Variants in DNAH17 observed in about 807,000 individuals in gnomAD.
DNAH17 encodes the protein axonemal beta dynein heavy chain 17.
A neutral mutation model predicts 485.6 loss-of-function variants in DNAH17; 376 were observed. The observed-to-expected ratio is 0.77, with a 90% CI of 0.71 to 0.84. The LOEUF is 0.84. Ranked by LOEUF, DNAH17 falls within the 40% of genes least tolerant of loss-of-function variation. The pLI is 0.00. For synonymous variants in DNAH17, 3,031 were observed against 2,405.9 expected (o/e 1.26, Z -7.60); for missense variants, 6,370 against 5,839.3 (o/e 1.09, Z -2.96).
chr17:78,466,294 C>T (rs1023682225), intron 56 of DNAH17, among the ~76,000 whole-genome samples: 1 of 152,094 alleles, frequency 6.6e-6, no homozygotes, highest in African/African-American at 2.4e-5. Flanking sequence ...CAAACACTGC[C>T]GAAGGCCGGA....
rs758147457 is a variant in DNAH17, at chr17:78,495,922, C to T, written c.5856G>A (p.Gly1952=). 6.2e-7 allele frequency: 1 copy of T among 1,613,942 alleles called. No individual in the cohort carries two copies. Among genetic ancestry groups the T allele is most frequent in the Non-Finnish European group, 8.5e-7 (1 of 1,179,850 alleles). The part of the protein sequence containing the change: ...TVGIFITMNP[G]YAGRAELPEN... ...CAGGCAGCTCCGCGCGTCCGGCGTA[C>T]CCAGGGTTCATGGTGATGAAGATAC... is the stretch of plus-strand genomic sequence containing the variant. The change falls in exon 38 of 81, where the codon GGG becomes GGA. Residue 1952 remains glycine, a synonymous_variant. Transcript: ENST00000389840.
At chr17:78,435,473 G>A (rs929066878) in intron 74 of DNAH17, among the ~76,000 whole-genome samples, 1 of 152,028 alleles carries the variant, frequency 6.6e-6, no homozygotes, top group African/African-American at 2.4e-5. Flanking sequence ...TCACTCCCTG[G>A]CTACCCACCT....
chr17:78,468,850 C>G lies in DNAH17; in HGVS notation c.8545G>C (p.Val2849Leu). ...DLAAQYIKAA[V>L]KNVPSVFLMT... ...AGGAACACCGAGGGAACGTTCTTCA[C>G]GGCAGCCTTTATGTACTGAGCAGCG... The change falls in exon 55 of 81, where the codon GTG becomes CTG. Residue 2849 changes from valine (V) to leucine (L), a missense_variant. Transcript: ENST00000389840. The G allele has an allele frequency of 6.2e-7, 1 of 1,613,930 alleles. No homozygotes were observed. The highest frequency in any genetic ancestry group is 8.5e-7 in the Non-Finnish European group (1 of 1,179,902).
At chr17:78,503,170 T>C (rs2090360278) in intron 31 of DNAH17, 159 bp from the exon 32 acceptor site, 8 of 3,356 alleles carry the variant, frequency 2.4e-3, no homozygotes, top group South Asian at 0.036. Context: ...GTGACACACC[T>C]TTTTTTTTTT....
chr17:78,516,395 A>C (rs62075874), intron 25 of DNAH17, among the ~76,000 whole-genome samples: 18,026 of 152,262 alleles, frequency 0.12, 1,351 homozygotes, highest in Middle Eastern at 0.19. Flanking sequence ...CTCATGTAAA[A>C]GAAACTTGAG....
chr17:78,520,603 G>A (rs1024602088), intron 25 of DNAH17, among the ~76,000 whole-genome samples: 1 of 152,106 alleles, frequency 6.6e-6, no homozygotes, highest in Non-Finnish European at 1.5e-5. Context: ...AATTTAAGAT[G>A]CAACGCCACT....
chr17:78,572,447 C>A (rs370613538), intron 3 of DNAH17, among the ~76,000 whole-genome samples: 1 of 152,094 alleles, frequency 6.6e-6, no homozygotes, highest in Non-Finnish European at 1.5e-5. Flanking sequence ...TGTGACCCAG[C>A]GGGGGGTGTG....
intron 76 of DNAH17, among the ~76,000 whole-genome samples, 163 bp downstream of exon 76, chr17:78,428,958 T>C (rs2086580162): frequency 1.3e-5 from 2 of 150,608 alleles, no homozygotes; most frequent in Non-Finnish European, 3.0e-5. Flanking sequence ...GTTGTTTGTA[T>C]TAGCCTTGTG....
At chr17:78,446,655 T>C (rs978365423) in intron 69 of DNAH17, among the ~76,000 whole-genome samples, 6 of 152,178 alleles carry the variant, frequency 3.9e-5, no homozygotes, top group Admixed American at 2.0e-4. Context: ...TTATTATTTA[T>C]TTTTTTGAGA....
In DNAH17 at chr17:78,427,281, G is replaced by A. The variant is rs143784091; in HGVS notation, c.12589-173C>T. On this transcript the variant is annotated intron_variant, in intron 77 of 80. Coordinates refer to ENST00000389840, the MANE Select transcript of DNAH17 (RefSeq NM_173628.4). ...TGGGTGCAGCCACACATTTGATGAG[G>A]AGAGGGAGCCTTGGCCAGCGGCTCC... 7.4e-4 allele frequency: 484 copies of A among 652,342 alleles called. 2 individuals carry two copies. The highest frequency in any genetic ancestry group is 5.9e-3 in the African/African-American group (326 of 55,156). 40.4% of individuals were successfully genotyped at this position (652,342 alleles called of 1,614,324 possible). A position where few individuals can be genotyped will look rare whatever the true frequency, so the allele number is the denominator to read the frequency against.
intron 75 of DNAH17, among the ~76,000 whole-genome samples, chr17:78,431,698 AGT>A (rs2086681727): frequency 6.6e-6 from 1 of 151,562 alleles, no homozygotes; most frequent in South Asian, 2.1e-4. Flanking sequence ...GCCGGTGGGG[AGT>A]CTGTGGAGGG....
chr17:78,433,923 A>AGGAAGGAGGGAGGGAAGGAG (rs2086768795), intron 75 of DNAH17, 106 bp downstream of exon 75: 1 of 528,818 alleles, frequency 1.9e-6, no homozygotes, highest in Non-Finnish European at 2.9e-6. Flanking sequence ...AAGGGAGGGA[A>AGGAAGGAGGGAGGGAAGGAG]GGAAGGAGGG....
intron 31 of DNAH17, 158 bp from the exon 32 acceptor site, chr17:78,503,169 CTTTTTTTTTTTTT>C (rs397856727): frequency 2.3e-4 from 29 of 127,624 alleles, no homozygotes; most frequent in South Asian, 1.6e-3. Context: ...AGTGACACAC[CTTTTTTTTTTTTT>C]TTTTTTTTTT....
At position 78,569,575 on chromosome 17, in the gene DNAH17, G is replaced by T; in HGVS notation, c.1045-48C>A. On this transcript the variant is annotated intron_variant, in intron 7 of 80. Coordinates refer to ENST00000389840, the MANE Select transcript of DNAH17 (RefSeq NM_173628.4). Reference sequence around the variant, plus strand: ...ATCTAAAGCTCCGACAAGCCATTTGGGGTGACGTCCAGGCACGCCGCCTGC... The same window carrying T: ...ATCTAAAGCTCCGACAAGCCATTTGTGGTGACGTCCAGGCACGCCGCCTGC... The T allele has an allele frequency of 4.5e-6, 7 of 1,570,774 alleles. No individual in the cohort carries two copies. The South Asian group carries it at 7.0e-5, about 16-fold the overall frequency.
At chr17:78,576,998 A>G (rs1044646998) in intron 1 of DNAH17, among the ~76,000 whole-genome samples, 15 of 151,974 alleles carry the variant, frequency 9.9e-5, no homozygotes, top group Non-Finnish European at 2.2e-4. Flanking sequence ...GGCCTTCAGG[A>G]CTCCACAGGA....
At position 78,501,851 on chromosome 17, in the gene DNAH17, A is replaced by T. The variant is rs1413589637; in HGVS notation, c.5213T>A (p.Ile1738Asn). ...GTTGAGGTTCCCCATGAGCAGCGTG[A>T]TGAGTACGTTCAGCTGGCTAATCTG... ...KKQISQLNVL[I>N]TLLMGNLNAG... Residue 1738 changes from isoleucine to asparagine, a missense_variant, in exon 34 of 81, where the codon ATC becomes AAC. Coordinates refer to ENST00000389840, the MANE Select transcript of DNAH17 (RefSeq NM_173628.4). 1 of 1,614,028 alleles carries T rather than the reference A, an allele frequency of 6.2e-7. No homozygotes were observed. The highest frequency in any genetic ancestry group is 8.5e-7 in the Non-Finnish European group (1 of 1,179,896).
intron 2 of DNAH17, 26 bp from the exon 3 acceptor site, chr17:78,572,920 C>G (rs372447898): frequency 2.5e-6 from 4 of 1,601,934 alleles, no homozygotes; most frequent in Non-Finnish European, 3.4e-6. Flanking sequence ...TCTGTGGTTC[C>G]GCCCCCTGTG....
chr17:78,498,535 C>T (rs940275354), intron 37 of DNAH17, among the ~76,000 whole-genome samples: 3 of 152,198 alleles, frequency 2.0e-5, no homozygotes, highest in Admixed American at 6.5e-5. Context: ...CTCCCCAATC[C>T]GAAGTCCCTG....
chr17:78,544,807 A>AG, intron 16 of DNAH17, among the ~76,000 whole-genome samples: 1 of 133,590 alleles, frequency 7.5e-6, no homozygotes, highest in South Asian at 3.2e-4. Context: ...TCTCAAAAAA[A>AG]AAAAAAAAAA....
Sources: allele counts gnomAD v4.1 joint callset (sites outside exome capture counted in the v4.1 genomes callset), GRCh38; gene constraint gnomAD v4.1.1; transcripts MANE v1.5; gene names NCBI Gene and HGNC (gene_info 2026-07-23, HGNC 2026-07-21).